TMEM117: variants seen among roughly 807,000 people sequenced by gnomAD.
The protein encoded by TMEM117 is transmembrane protein 117.
A neutral mutation model predicts 52.4 loss-of-function variants in TMEM117; 27 were observed. The ratio of observed to expected loss-of-function variants is 0.51; its 90% CI spans 0.38 to 0.71. The LOEUF is 0.71. TMEM117 is among the 30% of genes least tolerant of loss of function. The pLI, the probability that TMEM117 is intolerant of heterozygous loss-of-function variation, is 0.00. For synonymous variants in TMEM117, 215 were observed against 206.3 expected, an observed-to-expected ratio of 1.04 and a Z score of -0.36; for missense variants, 556 against 630.5, an observed-to-expected ratio of 0.88 and a Z score of 1.26.
At chr12:43,880,529 G>T (rs1010084215) in intron 2 of TMEM117, among the ~76,000 whole-genome samples, 6 of 152,110 alleles carry the variant, frequency 3.9e-5, no homozygotes, top group African/African-American at 1.4e-4. Context: ...ATGAATGCCA[G>T]CTCCTCCTGG....
At chr12:44,234,158 G>A (rs1047908967) in intron 5 of TMEM117, among the ~76,000 whole-genome samples, 5 of 151,276 alleles carry the variant, frequency 3.3e-5, no homozygotes, top group African/African-American at 9.7e-5. Context: ...TCTCAGGAAG[G>A]GTTTGTATAA....
intron 3 of TMEM117, among the ~76,000 whole-genome samples, chr12:44,025,434 G>A (rs1411765126): frequency 1.3e-5 from 2 of 152,062 alleles, no homozygotes; most frequent in Non-Finnish European, 2.9e-5. Flanking sequence ...TGGAATTTTA[G>A]GAAAATAAAC....
intron 3 of TMEM117, among the ~76,000 whole-genome samples, chr12:44,125,141 T>A (rs1216903049): frequency 6.6e-6 from 1 of 152,092 alleles, no homozygotes; most frequent in Non-Finnish European, 1.5e-5. Flanking sequence ...GTCTTGCTCT[T>A]TCGCCCAGGC....
At chr12:44,089,819 T>C (rs1378785960) in intron 3 of TMEM117, among the ~76,000 whole-genome samples, 1 of 152,212 alleles carries the variant, frequency 6.6e-6, no homozygotes, top group Non-Finnish European at 1.5e-5. Flanking sequence ...TAGGTTTCAG[T>C]TGCAATATTG....
At chr12:43,881,476 T>C (rs560592123) in intron 2 of TMEM117, among the ~76,000 whole-genome samples, 1 of 152,284 alleles carries the variant, frequency 6.6e-6, no homozygotes, top group South Asian at 2.1e-4. Flanking sequence ...AAATAGGAAA[T>C]TAAAATCAAT....
At chr12:44,213,267 G>T (rs949348647) in intron 5 of TMEM117, among the ~76,000 whole-genome samples, 2 of 152,126 alleles carry the variant, frequency 1.3e-5, no homozygotes, top group Admixed American at 1.3e-4. Flanking sequence ...GCCCTAGTTT[G>T]TAATTATTAC....
Position 44,219,378 on chromosome 12 carries a change from A to G in TMEM117, c.608+7991A>G, listed in dbSNP as rs1221850623. ...TGCTGATGATTAGATATATTGAGATAACAACTCTTTTAAGTCAGTAGTAAC... is the reference window on the plus strand; with the variant it reads ...TGCTGATGATTAGATATATTGAGATGACAACTCTTTTAAGTCAGTAGTAAC... On this transcript the variant is annotated intron_variant, in intron 5 of 7. Coordinates refer to ENST00000266534, the MANE Select transcript of TMEM117 (RefSeq NM_032256.3). 2.0e-5 allele frequency among the ~76,000 whole-genome samples: 3 copies of G among 152,180 alleles called. No individual in the cohort carries two copies. In the South Asian group the frequency reaches 6.2e-4, roughly 32 times the overall value.
intron 2 of TMEM117, among the ~76,000 whole-genome samples, chr12:43,864,147 C>T (rs1334437260): frequency 6.6e-6 from 1 of 152,188 alleles, no homozygotes; most frequent in African/African-American, 2.4e-5. Context: ...GGGCTCAGGA[C>T]CTGCAGCCTG....
intron 3 of TMEM117, among the ~76,000 whole-genome samples, chr12:44,107,410 T>G (rs1392263723): frequency 1.3e-5 from 2 of 152,060 alleles, no homozygotes; most frequent in African/African-American, 4.8e-5. Context: ...ATTATCTACT[T>G]TTTTAGAAGA....
intron 3 of TMEM117, among the ~76,000 whole-genome samples, chr12:44,061,675 A>AT (rs1298742505): frequency 2.6e-5 from 4 of 152,086 alleles, no homozygotes; most frequent in Non-Finnish European, 5.9e-5. Context: ...GGGAGATGAG[A>AT]TTTATATCAA....
chr12:44,010,467 T>A (rs1946272167), intron 3 of TMEM117, among the ~76,000 whole-genome samples: 2 of 152,124 alleles, frequency 1.3e-5, no homozygotes, highest in African/African-American at 2.4e-5. Context: ...AAGACCAGTT[T>A]TCCCATTCTA....
At chr12:43,923,687 T>G (rs961993594) in intron 2 of TMEM117, among the ~76,000 whole-genome samples, 2 of 152,206 alleles carry the variant, frequency 1.3e-5, no homozygotes, top group Non-Finnish European at 1.5e-5. Context: ...TAAAAATATA[T>G]AAGATAATTT....
intron 5 of TMEM117, among the ~76,000 whole-genome samples, chr12:44,247,247 G>T (rs955794477): frequency 6.6e-6 from 1 of 152,068 alleles, no homozygotes; most frequent in Non-Finnish European, 1.5e-5. Context: ...AGTCTGTATG[G>T]TACTAACTAG....
chr12:43,869,425 C>G, intron 2 of TMEM117, among the ~76,000 whole-genome samples: 1 of 152,220 alleles, frequency 6.6e-6, no homozygotes, highest in East Asian at 1.9e-4. Context: ...AGTAAGGACA[C>G]GAAGAGAAAA....
At chr12:44,154,476 A>G (rs1442818505) in intron 4 of TMEM117, among the ~76,000 whole-genome samples, 2 of 152,088 alleles carry the variant, frequency 1.3e-5, no homozygotes, top group Non-Finnish European at 2.9e-5. Flanking sequence ...TTGAAAGAAC[A>G]GCACCTCTCG....
chr12:44,211,859 A>G (rs1949650000), intron 5 of TMEM117, among the ~76,000 whole-genome samples: 1 of 152,224 alleles, frequency 6.6e-6, no homozygotes, highest in African/African-American at 2.4e-5. Context: ...TGCAATTAAA[A>G]AACAATCCAT....
At chr12:44,141,889 ACTT>A (rs1948576000) in intron 3 of TMEM117, among the ~76,000 whole-genome samples, 1 of 152,110 alleles carries the variant, frequency 6.6e-6, no homozygotes, top group Admixed American at 6.6e-5. Context: ...ACTATTCTTG[ACTT>A]CTTATTAGGA....
At chr12:44,290,649 T>C (rs1399278347) in intron 5 of TMEM117, among the ~76,000 whole-genome samples, 1 of 152,162 alleles carries the variant, frequency 6.6e-6, no homozygotes, top group Admixed American at 6.6e-5. Context: ...TCTTTTTTAT[T>C]TTTTAAGGAC....
At chr12:43,926,360 G>T (rs1402277993) in intron 2 of TMEM117, among the ~76,000 whole-genome samples, 2 of 152,168 alleles carry the variant, frequency 1.3e-5, no homozygotes, top group East Asian at 3.9e-4. Flanking sequence ...TCAGCTTACT[G>T]CTCCTCTTTG....
Sources: allele counts gnomAD v4.1 joint callset (sites outside exome capture counted in the v4.1 genomes callset), GRCh38; gene constraint gnomAD v4.1.1; transcripts MANE v1.5; gene names NCBI Gene and HGNC (gene_info 2026-07-23, HGNC 2026-07-21).